The following CPB2 variants were observed in gnomAD, a reference collection of about 807,000 sequenced individuals.
CPB2 encodes carboxypeptidase B2, also known as carboxypeptidase B-like protein.
Under a neutral mutation model 57.0 loss-of-function variants are expected in CPB2, and 54 were observed. That is an observed-to-expected ratio of 0.95 (90% CI 0.76 to 1.19). The LOEUF is 1.19. Ranked by LOEUF, CPB2 falls within the 50% of genes most tolerant of loss-of-function variation. The pLI, the probability that CPB2 is intolerant of heterozygous loss-of-function variation, is 0.00. For synonymous variants in CPB2, 189 were observed against 178.1 expected, an observed-to-expected ratio of 1.06 and a Z score of -0.49; for missense variants, 426 against 512.0, an observed-to-expected ratio of 0.83 and a Z score of 1.62.
intron 2 of CPB2, among the ~76,000 whole-genome samples, chr13:46,086,906 A>G (rs1385768637): frequency 1.3e-5 from 2 of 152,216 alleles, no homozygotes; most frequent in African/African-American, 4.8e-5. Context: ...CCAGGTTGTG[A>G]CAACACCTAG....
Position 46,078,697 on chromosome 13 carries a change from T to G in CPB2, c.486+103A>C. 3.8e-6 allele frequency: 3 copies of G among 786,032 alleles called. No individual in the cohort carries two copies. The South Asian group carries it at 4.8e-5, about 12-fold the overall frequency. 48.7% of individuals were successfully genotyped at this position (786,032 alleles called of 1,614,324 possible). A position where few individuals can be genotyped will look rare whatever the true frequency, so the allele number is the denominator to read the frequency against. On this transcript the variant is annotated intron_variant, in intron 5 of 10. Transcript: ENST00000181383. ...TTGAGGAACACTTGTAATGCAAATA[T>G]TTTCAGAACTCAAAGGAAACAAACT...
chr13:46,053,308 A>G lies in CPB2; in HGVS notation c.*306T>C, dbSNP rs2044605862. 1 of 242,648 alleles carries G rather than the reference A, an allele frequency of 4.1e-6. No individual in the cohort carries two copies. The highest frequency in any genetic ancestry group is 8.0e-6 in the Non-Finnish European group (1 of 124,416). The allele number at this position is 242,648 out of a possible 1,614,324, so 15.0% of individuals were successfully genotyped here. A position where few individuals can be genotyped will look rare whatever the true frequency, so the allele number is the denominator to read the frequency against. On this transcript the variant is annotated 3_prime_UTR_variant, in exon 11 of 11. Transcript: ENST00000181383. ...AATGATCAGCGTGAGATGATCATTG[A>G]TTAAACTTGCTTGAGATGGCTAGTC...
chr13:46,061,581 A>C (rs1420725807), intron 8 of CPB2, among the ~76,000 whole-genome samples: 1 of 152,232 alleles, frequency 6.6e-6, no homozygotes, highest in African/African-American at 2.4e-5. Flanking sequence ...GGGCACAGAG[A>C]GAAGGCAGCC....
intron 1 of CPB2, among the ~76,000 whole-genome samples, chr13:46,089,350 G>T (rs1246396098): frequency 2.6e-5 from 4 of 152,102 alleles, no homozygotes; most frequent in African/African-American, 9.7e-5. Context: ...TGGTTGTGTT[G>T]AGAGCCAGTG....
At chr13:46,090,111 A>T (rs2139408855) in intron 1 of CPB2, among the ~76,000 whole-genome samples, 1 of 151,950 alleles carries the variant, frequency 6.6e-6, no homozygotes, top group Middle Eastern at 3.4e-3. Context: ...ATTACATCCT[A>T]ATATCTTAGA....
chr13:46,089,035 C>T (rs1283631738), intron 1 of CPB2, among the ~76,000 whole-genome samples: 2 of 148,094 alleles, frequency 1.4e-5, no homozygotes, highest in Admixed American at 1.3e-4. Context: ...AGATGTCTTT[C>T]TAGATATCTG....
chr13:46,103,617 G>A (rs915951211), intron 1 of CPB2, among the ~76,000 whole-genome samples: 2 of 152,196 alleles, frequency 1.3e-5, no homozygotes, highest in African/African-American at 4.8e-5. Flanking sequence ...CATTTAAAGA[G>A]ATAACATTTC....
chr13:46,060,855 A>G (rs2044762386), intron 8 of CPB2, among the ~76,000 whole-genome samples: 1 of 152,112 alleles, frequency 6.6e-6, no homozygotes, highest in African/African-American at 2.4e-5. Flanking sequence ...CAACTACTTC[A>G]TCGTCTCAGC....
At chr13:46,082,804 C>A (rs2045140148) in intron 3 of CPB2, among the ~76,000 whole-genome samples, 1 of 152,130 alleles carries the variant, frequency 6.6e-6, no homozygotes, top group African/African-American at 2.4e-5. Flanking sequence ...ATAAAAACCA[C>A]CGTTTCCCAC....
chr13:46,089,729 C>G (rs896406725), intron 1 of CPB2, among the ~76,000 whole-genome samples: 6 of 152,266 alleles, frequency 3.9e-5, no homozygotes, highest in Admixed American at 6.5e-5. Context: ...ATCCCCTCCC[C>G]CTTCCACCAT....
In CPB2 at chr13:46,082,534, A is replaced by G. The variant is rs2296642; in HGVS notation, c.291T>C (p.Asp97=). 0.75 allele frequency: 1,208,172 copies of G among 1,609,964 alleles called. 455,211 individuals carry two copies. The highest frequency in any genetic ancestry group is 0.86 in the African/African-American group (64,589 of 74,920). ...TCTGCTGTTGAATAAGATCTTCCACATCTGCCAGCAAGACACTAGGTGATG... is the reference window on the plus strand; with the variant it reads ...TCTGCTGTTGAATAAGATCTTCCACGTCTGCCAGCAAGACACTAGGTGATG... ...SGIPCSVLLA[D]VEDLIQQQIS... is the part of the protein sequence containing the mutation. The change falls in exon 4 of 11, where the codon GAT becomes GAC. Residue 97 remains aspartate, a synonymous_variant. Coordinates refer to ENST00000181383, the MANE Select transcript of CPB2 (RefSeq NM_001872.5).
chr13:46,101,902 G>A (rs535480200), intron 1 of CPB2, among the ~76,000 whole-genome samples: 1 of 152,192 alleles, frequency 6.6e-6, no homozygotes, highest in Non-Finnish European at 1.5e-5. Flanking sequence ...GTTTACAGGG[G>A]AGGGTTCACA....
chr13:46,100,863 C>T (rs1259849899), intron 1 of CPB2: 1 of 152,194 alleles, frequency 6.6e-6, no homozygotes, highest in Non-Finnish European at 1.5e-5. Flanking sequence ...AAAGAAGCAT[C>T]TGTCCTGGTC....
intron 1 of CPB2, among the ~76,000 whole-genome samples, chr13:46,097,968 T>C (rs996118664): frequency 2.0e-5 from 3 of 152,200 alleles, no homozygotes; most frequent in African/African-American, 7.2e-5. Context: ...TGATTGATTA[T>C]CAGGAAGGCG....
At chr13:46,097,459 AG>A (rs2045381845) in intron 1 of CPB2, 1 of 152,216 alleles carries the variant, frequency 6.6e-6, no homozygotes. Flanking sequence ...GCCTGCCTGT[AG>A]GGCCTCAGGC....
intron 1 of CPB2, among the ~76,000 whole-genome samples, chr13:46,093,079 A>G (rs1260707053): frequency 2.6e-5 from 4 of 151,746 alleles, no homozygotes; most frequent in African/African-American, 4.8e-5. Context: ...TGCCCGGCTA[A>G]TTTTTGTATT....
At chr13:46,059,716 T>A (rs1216493008) in intron 8 of CPB2, among the ~76,000 whole-genome samples, 4 of 152,192 alleles carry the variant, frequency 2.6e-5, no homozygotes, top group Non-Finnish European at 4.4e-5. Context: ...CAGGCCCAGT[T>A]CCTTTCTGTT....
chr13:46,067,300 C>T lies in CPB2; in HGVS notation c.702+7G>A. On this transcript the variant is annotated splice_region_variant and intron_variant, in intron 7 of 10. Coordinates refer to ENST00000181383, the MANE Select transcript of CPB2 (RefSeq NM_001872.5). ...ACATGATTTGTCTTCTTTGCCTTTTCTCCTACCTTTTTCCATGAGTAGTCA... is the reference window on the plus strand; with the variant it reads ...ACATGATTTGTCTTCTTTGCCTTTTTTCCTACCTTTTTCCATGAGTAGTCA... 7.3e-7 allele frequency: 1 copy of T among 1,374,604 alleles called. No individual in the cohort carries two copies. The highest frequency in any genetic ancestry group is 1.0e-6 in the Non-Finnish European group (1 of 964,242). 85.2% of individuals were successfully genotyped at this position (1,374,604 alleles called of 1,614,324 possible).
At chr13:46,088,161 A>G (rs967436011) in intron 1 of CPB2, among the ~76,000 whole-genome samples, 2 of 152,222 alleles carry the variant, frequency 1.3e-5, no homozygotes, top group Non-Finnish European at 2.9e-5. Context: ...TAATTATACA[A>G]TAAAATGAAT....
Sources: allele counts gnomAD v4.1 joint callset (sites outside exome capture counted in the v4.1 genomes callset), GRCh38; gene constraint gnomAD v4.1.1; transcripts MANE v1.5; gene names NCBI Gene and HGNC (gene_info 2026-07-23, HGNC 2026-07-21).